The following DTNB variants were observed in gnomAD, a reference collection of about 807,000 sequenced individuals.
DTNB encodes the protein DTN-B.
Under a neutral mutation model 90.7 loss-of-function variants are expected in DTNB, and 63 were observed. The observed-to-expected ratio is 0.69, with a 90% CI of 0.57 to 0.86. The LOEUF is 0.86. DTNB is among the 40% of genes least tolerant of loss of function. The pLI is 0.00. For missense variants in DTNB, 744 were observed against 807.1 expected (o/e 0.92, Z 0.95); for synonymous variants, 277 against 286.7 (o/e 0.97, Z 0.34).
At chr2:25,583,819 A>G (rs2061933667) in intron 6 of DTNB, among the ~76,000 whole-genome samples, 1 of 151,888 alleles carries the variant, frequency 6.6e-6, no homozygotes, top group South Asian at 2.1e-4. Flanking sequence ...GCACCCAATC[A>G]TGGAGTTTTT....
At chr2:25,481,852 G>C (rs1574979558) in intron 10 of DTNB, 1 of 152,208 alleles carries the variant, frequency 6.6e-6, no homozygotes, top group African/African-American at 2.4e-5. Context: ...AAGTGACCCA[G>C]GTGATTCTTC....
intron 1 of DTNB, among the ~76,000 whole-genome samples, chr2:25,667,980 A>G (rs534976371): frequency 6.6e-6 from 1 of 152,286 alleles, no homozygotes; most frequent in South Asian, 2.1e-4. Context: ...TGGCTCACGC[A>G]TGTAATCCCA....
chr2:25,575,716 T>C (rs372027541), intron 8 of DTNB, among the ~76,000 whole-genome samples: 11 of 152,326 alleles, frequency 7.2e-5, no homozygotes, highest in East Asian at 5.8e-4. Flanking sequence ...TGAAGGCCAA[T>C]AGGATAACCA....
chr2:25,407,318 T>C (rs1014968240), intron 16 of DTNB, among the ~76,000 whole-genome samples: 2 of 152,234 alleles, frequency 1.3e-5, no homozygotes, highest in African/African-American at 4.8e-5. Flanking sequence ...TATACACTGC[T>C]GGTGGGAAAG....
intron 3 of DTNB, among the ~76,000 whole-genome samples, chr2:25,633,309 G>A (rs1382791602): frequency 1.1e-4 from 16 of 142,876 alleles, no homozygotes; most frequent in Middle Eastern, 3.5e-3. Context: ...CATTGCAGGC[G>A]CGCGCCGCCA....
At chr2:25,521,754 T>C (rs1056229557) in intron 9 of DTNB, among the ~76,000 whole-genome samples, 15 of 152,222 alleles carry the variant, frequency 9.9e-5, no homozygotes, top group African/African-American at 3.4e-4. Flanking sequence ...AATATTCTTA[T>C]TTCTCTTCAA....
chr2:25,645,150 A>T (rs920126023), intron 2 of DTNB, among the ~76,000 whole-genome samples: 1 of 152,218 alleles, frequency 6.6e-6, no homozygotes, highest in Middle Eastern at 3.2e-3. Context: ...TGGGAGGCTG[A>T]GGCAGGCAGA....
At chr2:25,380,372 T>G (rs1221040115) in intron 19 of DTNB, among the ~76,000 whole-genome samples, 1 of 152,096 alleles carries the variant, frequency 6.6e-6, no homozygotes, top group Non-Finnish European at 1.5e-5. Flanking sequence ...AAACACTTAG[T>G]CTTATAAAAA....
chr2:25,396,447 GGT>G (rs1325439932), intron 16 of DTNB, among the ~76,000 whole-genome samples: 3 of 151,842 alleles, frequency 2.0e-5, no homozygotes, highest in African/African-American at 7.3e-5. Context: ...GGAGGCGGAG[GGT>G]GCAGTGAACT....
At position 25,673,559 on chromosome 2, in the gene DTNB, C is replaced by T. The variant is rs1334033081; in HGVS notation, c.-175G>A. Reference sequence around the variant, plus strand: ...GCCCGGCTCGCGCCGCTTCTCCGCCCGGCACGCGCAGCGCCCGCCCCCGGC... The same window carrying T: ...GCCCGGCTCGCGCCGCTTCTCCGCCTGGCACGCGCAGCGCCCGCCCCCGGC... On this transcript the variant is annotated 5_prime_UTR_variant, in exon 1 of 21. Coordinates refer to ENST00000406818, the MANE Select transcript of DTNB (RefSeq NM_021907.5). 6.8e-6 allele frequency: 1 copy of T among 147,690 alleles called. No homozygotes were observed. The highest frequency in any genetic ancestry group is 2.0e-4 in the East Asian group (1 of 5,042). 9.1% of individuals were successfully genotyped at this position (147,690 alleles called of 1,614,324 possible).
At chr2:25,545,519 C>T (rs2082219163) in intron 8 of DTNB, among the ~76,000 whole-genome samples, 1 of 152,068 alleles carries the variant, frequency 6.6e-6, no homozygotes, top group South Asian at 2.1e-4. Flanking sequence ...TGCTATTATC[C>T]AACAGAACTT....
At chr2:25,649,173 T>G (rs2080255181) in intron 2 of DTNB, among the ~76,000 whole-genome samples, 2 of 151,844 alleles carry the variant, frequency 1.3e-5, no homozygotes, top group African/African-American at 4.8e-5. Flanking sequence ...CCCAGCTAAT[T>G]TTTTTGTATT....
intron 8 of DTNB, among the ~76,000 whole-genome samples, chr2:25,568,156 CAA>C (rs11315733): frequency 2.2e-3 from 198 of 91,534 alleles, no homozygotes; most frequent in African/African-American, 6.1e-3. Flanking sequence ...GACTCCGTCT[CAA>C]AAAAAAAAAA....
rs1032488988 is a variant in DTNB at position 25,445,161 on chromosome 2, C to G, written c.1257+6387G>C. 2.0e-5 allele frequency among the ~76,000 whole-genome samples: 3 copies of G among 152,150 alleles called. No individual in the cohort carries two copies. The East Asian group carries it at 5.8e-4, about 29-fold the overall frequency. On this transcript the variant is annotated intron_variant, in intron 12 of 20. Transcript: ENST00000406818. ...ATGTAAACTCAGTAAGACTATATAA[C>G]GGCATAAAATATACTTAATTTTTAA...
intron 16 of DTNB, among the ~76,000 whole-genome samples, chr2:25,407,101 G>T (rs554800347): frequency 6.6e-6 from 1 of 152,226 alleles, no homozygotes; most frequent in African/African-American, 2.4e-5. Flanking sequence ...TAATAAAAGT[G>T]CCACTTTAGC....
intron 9 of DTNB, among the ~76,000 whole-genome samples, chr2:25,525,768 G>A (rs2076972843): frequency 6.6e-6 from 1 of 152,164 alleles, no homozygotes; most frequent in Non-Finnish European, 1.5e-5. Flanking sequence ...CAGAAAACTC[G>A]ATATGGGGAG....
chr2:25,425,234 A>G (rs969035070), intron 15 of DTNB, among the ~76,000 whole-genome samples: 2 of 152,234 alleles, frequency 1.3e-5, no homozygotes, highest in South Asian at 4.1e-4. Context: ...ATGTAGAAAC[A>G]TATCTATGCA....
intron 15 of DTNB, among the ~76,000 whole-genome samples, chr2:25,426,200 T>A (rs2051535774): frequency 6.6e-6 from 1 of 152,196 alleles, no homozygotes; most frequent in Non-Finnish European, 1.5e-5. Flanking sequence ...TAAAGGATAG[T>A]CAGATAGCTG....
rs2039862500 is a variant in DTNB, at chr2:25,387,582, C to T, written c.1736-204G>A. Among the ~76,000 whole-genome samples, 1 of 152,194 alleles carries T rather than the reference C, an allele frequency of 6.6e-6. No individual in the cohort carries two copies. Among genetic ancestry groups the T allele is most frequent in the Non-Finnish European group, 1.5e-5 (1 of 68,030 alleles). ...ACTGGTCCCTCTCCCTCTGCCCTCT[C>T]TACCTAGGGAGCAGCATCCTGTCAA... On this transcript the variant is annotated intron_variant, in intron 17 of 20. Transcript: ENST00000406818. This position sits in a 1 kb window ranked among gnomAD's most constrained non-coding sequence, Gnocchi z 4.5.
Sources: gnomAD v4.1 joint callset for allele counts (sites outside exome capture counted in the v4.1 genomes callset) on GRCh38, gnomAD v4.1.1 for gene constraint, Gnocchi (gnomAD v3.1) non-coding constraint, MANE v1.5 for transcripts, NCBI Gene and HGNC (gene_info 2026-07-23, HGNC 2026-07-21) for gene names.